The following NEK9 variants were observed in gnomAD, a reference collection of about 807,000 sequenced individuals.
NEK9 encodes the protein NIMA related kinase 9, also known as serine/threonine-protein kinase Nek9.
NEK9 carries 75 observed loss-of-function variants against 123.4 expected under a neutral mutation model. The observed-to-expected ratio is 0.61, with a 90% confidence interval of 0.50 to 0.74. The LOEUF (loss-of-function observed/expected upper bound fraction) is 0.74, where lower values mean the gene tolerates loss of function less well. Ranked by LOEUF, NEK9 falls within the 30% of genes least tolerant of loss-of-function variation. The pLI is 0.00. For missense variants in NEK9, 952 were observed against 1,214.4 expected, an observed-to-expected ratio of 0.78 and a Z score of 3.21; for synonymous variants, 438 against 458.7, an observed-to-expected ratio of 0.95 and a Z score of 0.58.
At chr14:75,089,169 T>C (rs1405905512) in intron 19 of NEK9, among the ~76,000 whole-genome samples, 1 of 152,080 alleles carries the variant, frequency 6.6e-6, no homozygotes, top group East Asian at 1.9e-4. Flanking sequence ...GGGACTCAAA[T>C]AATCCTTCCA....
At chr14:75,114,954 CA>C (rs1173370419) in intron 6 of NEK9, among the ~76,000 whole-genome samples, 1 of 152,032 alleles carries the variant, frequency 6.6e-6, no homozygotes, top group Non-Finnish European at 1.5e-5. Context: ...TAATTCCAAC[CA>C]AAGCCTGACT....
At chr14:75,106,099 T>G (rs999002000) in intron 12 of NEK9, 103 bp from the exon 13 acceptor site, 44 of 1,008,120 alleles carry the variant, frequency 4.4e-5, no homozygotes, top group Non-Finnish European at 6.4e-5. Context: ...CTCACACCTG[T>G]AATCCCAGCA....
At position 75,084,353 on chromosome 14, in the gene NEK9, T is replaced by C; in HGVS notation, c.*211A>G. ...GACAAAGCCAGGGCCATGGGGGCCCTTCCATTCTCCAAAACAATAAAATCA... is the reference window on the plus strand; with the variant it reads ...GACAAAGCCAGGGCCATGGGGGCCCCTCCATTCTCCAAAACAATAAAATCA... On this transcript the variant is annotated 3_prime_UTR_variant, in exon 22 of 22. Coordinates refer to ENST00000238616, the MANE Select transcript of NEK9 (RefSeq NM_033116.6). 3.3e-6 allele frequency: 2 copies of C among 599,162 alleles called. No individual in the cohort carries two copies. The highest frequency in any genetic ancestry group is 5.9e-6 in the Non-Finnish European group (2 of 339,172). 37.1% of individuals were successfully genotyped at this position (599,162 alleles called of 1,614,324 possible).
intron 6 of NEK9, among the ~76,000 whole-genome samples, chr14:75,116,273 C>G (rs2139793501): frequency 6.6e-6 from 1 of 152,158 alleles, no homozygotes; most frequent in Non-Finnish European, 1.5e-5. Flanking sequence ...TAGTGAGAAC[C>G]CATCTCTACA....
chr14:75,121,241 T>G (rs760249640), intron 2 of NEK9, 67 bp from the exon 3 acceptor site: 19 of 1,197,386 alleles, frequency 1.6e-5, no homozygotes, highest in Non-Finnish European at 2.2e-5. Flanking sequence ...CTGTAACAGG[T>G]TTTTTTAGGT....
At chr14:75,102,684 T>C (rs1894627774) in intron 14 of NEK9, among the ~76,000 whole-genome samples, 1 of 152,172 alleles carries the variant, frequency 6.6e-6, no homozygotes, top group South Asian at 2.1e-4. Flanking sequence ...ACAAAGACAC[T>C]CTCTCCAGCC....
intron 16 of NEK9, among the ~76,000 whole-genome samples, chr14:75,100,381 G>A (rs1264251000): frequency 2.6e-5 from 4 of 152,070 alleles, no homozygotes; most frequent in African/African-American, 9.7e-5. Context: ...GGGAGGCAGA[G>A]GCTGTGATGA....
intron 8 of NEK9, among the ~76,000 whole-genome samples, chr14:75,110,666 T>C (rs762645486): frequency 5.3e-5 from 8 of 152,016 alleles, no homozygotes; most frequent in Non-Finnish European, 1.2e-4. Context: ...ACATATTTAG[T>C]ATCTGATGGA....
chr14:75,100,647 C>G (rs1894545179), intron 16 of NEK9, among the ~76,000 whole-genome samples: 1 of 152,174 alleles, frequency 6.6e-6, no homozygotes, highest in African/African-American at 2.4e-5. Context: ...GCTACCCAAT[C>G]AATGTTTACT....
intron 9 of NEK9, 55 bp downstream of exon 9, chr14:75,110,266 A>G: frequency 7.3e-7 from 1 of 1,369,460 alleles, no homozygotes; most frequent in East Asian, 2.3e-5. Context: ...TCAAGAAAGA[A>G]CCCCCTGGTT....
intron 10 of NEK9, among the ~76,000 whole-genome samples, chr14:75,108,802 G>A (rs911543025): frequency 2.2e-4 from 34 of 152,044 alleles, no homozygotes; most frequent in African/African-American, 5.6e-4. Flanking sequence ...CAATCCACTC[G>A]CCTTGGCCTC....
rs1467330441 is a variant in NEK9, at chr14:75,088,562, T to G, written c.2522A>C (p.Asp841Ala). ...LSAAFSESEK[D>A]TLPYEELQGL... ...TTGCAGCTCTTCATAGGGCAGGGTA[T>G]CTTTCTCAGATTCTGAAAACGCTGC... The change falls in exon 20 of 22, where the codon GAT (aspartate) becomes GCT (alanine). Residue 841 changes from aspartate to alanine, a missense_variant. By Grantham distance (126) the Asp-to-Ala change is moderately radical. This residue lies in a region of NEK9 where 698 missense variants were observed against 875.6 expected (regional missense o/e 0.80). Transcript: ENST00000238616. The G allele has an allele frequency of 3.1e-6, 5 of 1,613,996 alleles. No individual in the cohort carries two copies. In the African/African-American group the frequency reaches 6.7e-5, roughly 22 times the overall value.
rs888083501 is a variant in NEK9, at chr14:75,083,946, A to T, written c.*618T>A. Reference sequence around the variant, plus strand: ...TCAATCAACCCTCAGAGGAAAAGCAACCTAAGCCTACCTTTCCTCCTAAAG... The same window carrying T: ...TCAATCAACCCTCAGAGGAAAAGCATCCTAAGCCTACCTTTCCTCCTAAAG... On this transcript the variant is annotated 3_prime_UTR_variant, in exon 22 of 22. Coordinates refer to ENST00000238616, the MANE Select transcript of NEK9 (RefSeq NM_033116.6). The T allele has an allele frequency of 2.0e-5, 3 of 152,584 alleles. No individual in the cohort carries two copies. Among genetic ancestry groups the T allele is most frequent in the Admixed American group, 2.0e-4 (3 of 15,332 alleles). 9.5% of individuals were successfully genotyped at this position (152,584 alleles called of 1,614,324 possible). A position where few individuals can be genotyped will look rare whatever the true frequency, so the allele number is the denominator to read the frequency against.
At position 75,101,167 on chromosome 14, in the gene NEK9, A is replaced by G. The variant is rs1457605712; in HGVS notation, c.1841-14T>C. 6.2e-6 allele frequency: 10 copies of G among 1,609,984 alleles called. No homozygotes were observed. In the South Asian group the frequency reaches 1.1e-4, roughly 18 times the overall value. On this transcript the variant is annotated splice_polypyrimidine_tract_variant and intron_variant, in intron 15 of 21. Transcript: ENST00000238616. ...GCCGGCCTCGCTCTGAGAGAGAAGC[A>G]AAAAGAAATAACAAGGCACAAATGA...
chr14:75,110,694 C>A (rs1004679471), intron 8 of NEK9, among the ~76,000 whole-genome samples: 3 of 151,804 alleles, frequency 2.0e-5, no homozygotes, highest in African/African-American at 7.3e-5. Context: ...ATCTAGTCTG[C>A]CCACTGACTC....
intron 14 of NEK9, 36 bp downstream of exon 14, chr14:75,103,806 T>C: frequency 6.4e-7 from 1 of 1,565,458 alleles, no homozygotes; most frequent in South Asian, 1.2e-5. Flanking sequence ...AGAGAAATTC[T>C]GATGATGTGG....
At position 75,100,185 on chromosome 14, in the gene NEK9, G is replaced by A. The variant is rs1322197014; in HGVS notation, c.2002+807C>T. 8.4e-5 allele frequency among the ~76,000 whole-genome samples: 10 copies of A among 118,550 alleles called. No homozygotes were observed. The East Asian group carries it at 2.3e-3, about 27-fold the overall frequency. 77.8% of individuals were successfully genotyped at this position (118,550 alleles called of 152,430 possible). On this transcript the variant is annotated intron_variant, in intron 16 of 21. Transcript: ENST00000238616. ...AAAAAGGCCAGGCACAATGGCTCAC[G>A]CCTGTAATCTCAGCACTTTGGGAGG...
chr14:75,106,777 G>A, intron 11 of NEK9, 75 bp from the exon 12 acceptor site: 1 of 1,117,332 alleles, frequency 8.9e-7, no homozygotes. Context: ...GGCAGGGCTG[G>A]AATGAGGACT....
intron 5 of NEK9, among the ~76,000 whole-genome samples, chr14:75,117,949 A>C (rs896729178): frequency 2.0e-5 from 3 of 152,268 alleles, no homozygotes; most frequent in Non-Finnish European, 4.4e-5. Flanking sequence ...AGCTTTAAGC[A>C]GCAAAGCAAA....
Sources: gnomAD v4.1 joint callset for allele counts (sites outside exome capture counted in the v4.1 genomes callset) on GRCh38, gnomAD v4.1.1 for gene constraint, gnomAD v4.1.1 regional missense constraint, MANE v1.5 for transcripts, NCBI Gene and HGNC (gene_info 2026-07-23, HGNC 2026-07-21) for gene names.